VRK1: variants seen among roughly 807,000 people sequenced by gnomAD.
VRK1 encodes VRK serine/threonine kinase 1.
In VRK1, 33 loss-of-function variants were observed where a neutral mutation model predicts 57.1. The observed-to-expected ratio is 0.58, with a 90% CI of 0.44 to 0.77. The LOEUF is 0.77. Ranked by LOEUF, VRK1 falls within the 30% of genes least tolerant of loss-of-function variation. VRK1 has a pLI of 0.00. For missense variants in VRK1, 413 were observed against 477.3 expected (o/e 0.87, Z 1.25); for synonymous variants, 137 against 147.8 (o/e 0.93, Z 0.53).
chr14:96,831,136 C>T (rs866085513), intron 1 of VRK1, among the ~76,000 whole-genome samples: 7 of 152,150 alleles, frequency 4.6e-5, no homozygotes, highest in Admixed American at 1.3e-4. Context: ...TTTTTGGATC[C>T]TAAGATTTAT....
At chr14:96,843,086 C>T (rs1489710359) in intron 3 of VRK1, among the ~76,000 whole-genome samples, 1 of 152,198 alleles carries the variant, frequency 6.6e-6, no homozygotes, top group Non-Finnish European at 1.5e-5. Flanking sequence ...AAAATGTTCT[C>T]ACATGTACCA....
At chr14:96,807,583 A>G (rs1015121126) in intron 1 of VRK1, among the ~76,000 whole-genome samples, 12 of 152,220 alleles carry the variant, frequency 7.9e-5, no homozygotes, top group Non-Finnish European at 4.4e-5. Context: ...CTGTGAGTTA[A>G]GGGAAGAATA....
At chr14:96,859,988 G>C (rs1278137904) in intron 10 of VRK1, among the ~76,000 whole-genome samples, 1 of 151,986 alleles carries the variant, frequency 6.6e-6, no homozygotes, top group Non-Finnish European at 1.5e-5. Flanking sequence ...TGACTAGTAG[G>C]ATTTCTTTTT....
chr14:96,821,622 G>T (rs1886601016), intron 1 of VRK1, among the ~76,000 whole-genome samples: 1 of 152,062 alleles, frequency 6.6e-6, no homozygotes, highest in Non-Finnish European at 1.5e-5. Flanking sequence ...TTTCTGCCTT[G>T]CCCCCTTACA....
intron 3 of VRK1, among the ~76,000 whole-genome samples, chr14:96,840,863 T>G (rs1355463475): frequency 6.6e-6 from 1 of 151,908 alleles, no homozygotes; most frequent in African/African-American, 2.4e-5. Flanking sequence ...TTGAACTTTT[T>G]TTTTTTTTTT....
intron 5 of VRK1, among the ~76,000 whole-genome samples, chr14:96,851,329 C>T (rs1416541099): frequency 1.3e-5 from 2 of 151,784 alleles, no homozygotes; most frequent in Admixed American, 1.3e-4. Flanking sequence ...TTAGTAGAGA[C>T]GGGGTTTCAC....
intron 1 of VRK1, among the ~76,000 whole-genome samples, chr14:96,812,249 G>A (rs1886233942): frequency 6.6e-6 from 1 of 152,180 alleles, no homozygotes; most frequent in African/African-American, 2.4e-5. Context: ...GGACATTTAT[G>A]TACAAGTTGT....
chr14:96,822,325 A>G (rs1050190292), intron 1 of VRK1, among the ~76,000 whole-genome samples: 35 of 152,174 alleles, frequency 2.3e-4, no homozygotes, highest in African/African-American at 7.5e-4. Flanking sequence ...TAGAATTCCA[A>G]TGGGACTCAG....
intron 10 of VRK1, among the ~76,000 whole-genome samples, chr14:96,858,273 T>G (rs72711034): frequency 0.019 from 2,886 of 152,226 alleles, 44 homozygotes; most frequent in Non-Finnish European, 0.031. Context: ...AAATTTTTTT[T>G]TGTGGACATG....
intron 1 of VRK1, among the ~76,000 whole-genome samples, chr14:96,831,610 A>G (rs1164062871): frequency 6.6e-6 from 1 of 152,246 alleles, no homozygotes; most frequent in Non-Finnish European, 1.5e-5. Context: ...TTTACATTGA[A>G]TAGATGCTGA....
intron 1 of VRK1, among the ~76,000 whole-genome samples, chr14:96,827,325 T>TC (rs1886837393): frequency 6.6e-6 from 1 of 152,116 alleles, no homozygotes; most frequent in African/African-American, 2.4e-5. Flanking sequence ...CAGTAGAAGG[T>TC]GAGGAAGGGA....
At position 96,846,149 on chromosome 14, in the gene VRK1, G is replaced by T; in HGVS notation, c.271G>T (p.Ala91Ser). The T allele has an allele frequency of 6.2e-7, 1 of 1,613,362 alleles. No homozygotes were observed. The change falls in exon 4 of 13, where the codon GCA (alanine) becomes TCA (serine). Residue 91 changes from alanine (A) to serine (S), a missense_variant. By Grantham distance (99) the Ala-to-Ser change is moderately conservative. Coordinates refer to ENST00000216639, the MANE Select transcript of VRK1 (RefSeq NM_003384.3). ...TGAATTAAAGTTCTACCAACGAGCT[G>T]CAAAACCAGAGCAAAGTAAGAAATA... ...FTELKFYQRA[A>S]KPEQIQKWIR...
At chr14:96,856,313 T>C in intron 9 of VRK1, 63 bp downstream of exon 9, 3 of 1,580,086 alleles carry the variant, frequency 1.9e-6, no homozygotes, top group South Asian at 1.1e-5. Context: ...TTAGTCACAA[T>C]TTCTTGATAG....
At chr14:96,861,751 A>G (rs1391864559) in intron 11 of VRK1, among the ~76,000 whole-genome samples, 2 of 152,146 alleles carry the variant, frequency 1.3e-5, no homozygotes, top group Non-Finnish European at 2.9e-5. Context: ...ATGCATCTAC[A>G]TATACTTTTT....
chr14:96,872,540 C>G (rs1435585757), intron 11 of VRK1, among the ~76,000 whole-genome samples: 1 of 152,188 alleles, frequency 6.6e-6, no homozygotes, highest in Non-Finnish European at 1.5e-5. Flanking sequence ...ATTAAGAACA[C>G]AGCAACTAGA....
chr14:96,828,455 A>C (rs1002529143), intron 1 of VRK1, among the ~76,000 whole-genome samples: 4 of 152,212 alleles, frequency 2.6e-5, no homozygotes, highest in African/African-American at 4.8e-5. Context: ...AAGGAAGAAA[A>C]GCTTCCAAAA....
chr14:96,877,456 C>A, intron 12 of VRK1: 1 of 1,276,012 alleles, frequency 7.8e-7, no homozygotes, highest in Non-Finnish European at 1.0e-6. Flanking sequence ...CCTTTCGCTA[C>A]TGTCTTTTTT....
rs71415054 is a variant in VRK1, at chr14:96,817,235, C to T, written c.-5-16232C>T. ...TTTATTTCTTTTTCTGTGAGTGTGC[C>T]TCTTCATATTCTTCCATTTTTCTGT... On this transcript the variant is annotated intron_variant, in intron 1 of 12. Transcript: ENST00000216639. 4.4e-3 allele frequency among the ~76,000 whole-genome samples: 664 copies of T among 151,778 alleles called. 4 individuals are homozygous for T. Among genetic ancestry groups the T allele is most frequent in the South Asian group, 0.025 (121 of 4,804 alleles).
At chr14:96,820,178 G>T (rs1354721941) in intron 1 of VRK1, among the ~76,000 whole-genome samples, 3 of 151,870 alleles carry the variant, frequency 2.0e-5, no homozygotes. Context: ...ATCGAGAAAT[G>T]GTTCATTGTT....
Sources: gnomAD v4.1 joint callset for allele counts (sites outside exome capture counted in the v4.1 genomes callset) on GRCh38, gnomAD v4.1.1 for gene constraint, MANE v1.5 for transcripts, NCBI Gene and HGNC (gene_info 2026-07-23, HGNC 2026-07-21) for gene names.